The following RETREG1 variants were observed in gnomAD, a reference collection of about 807,000 sequenced individuals.
RETREG1 encodes family with sequence similarity 134 member B.
Under a neutral mutation model 54.8 loss-of-function variants are expected in RETREG1, and 44 were observed. That is an observed-to-expected ratio of 0.80 (90% CI 0.63 to 1.03). The LOEUF (loss-of-function observed/expected upper bound fraction) is 1.03. RETREG1 is among the 50% of genes least tolerant of loss of function. The pLI is 0.00. For missense variants in RETREG1, 554 were observed against 605.1 expected (o/e 0.92, Z 0.89); for synonymous variants, 217 against 238.5 (o/e 0.91, Z 0.83).
chr5:16,501,965 T>TC (rs1219880682), intron 3 of RETREG1, among the ~76,000 whole-genome samples: 1 of 150,394 alleles, frequency 6.6e-6, no homozygotes, highest in Non-Finnish European at 1.5e-5. Flanking sequence ...TAAGCTTTTT[T>TC]TTTTTTTTTG....
chr5:16,489,516 T>C (rs943497230), intron 3 of RETREG1, among the ~76,000 whole-genome samples: 3 of 152,208 alleles, frequency 2.0e-5, no homozygotes, highest in Admixed American at 6.5e-5. Flanking sequence ...GCCTGTTTCA[T>C]CCCTTTCACC....
intron 3 of RETREG1, among the ~76,000 whole-genome samples, chr5:16,527,800 A>T (rs1160266000): frequency 2.7e-4 from 18 of 66,248 alleles, no homozygotes; most frequent in Middle Eastern, 0.021. Context: ...AGGGACTCTA[A>T]TTTTTTTTTT....
chr5:16,510,352 T>C (rs1740129473), intron 3 of RETREG1, among the ~76,000 whole-genome samples: 1 of 152,162 alleles, frequency 6.6e-6, no homozygotes, highest in Non-Finnish European at 1.5e-5. Context: ...AAAACAGTCA[T>C]AGGCTGAGCT....
chr5:16,538,446 C>T (rs1248025570), intron 3 of RETREG1, among the ~76,000 whole-genome samples: 2 of 152,154 alleles, frequency 1.3e-5, no homozygotes, highest in East Asian at 1.9e-4. Flanking sequence ...ATGCAGCCCA[C>T]GTGTCAGAGA....
chr5:16,532,866 T>C (rs766599764), intron 3 of RETREG1, among the ~76,000 whole-genome samples: 3 of 152,194 alleles, frequency 2.0e-5, no homozygotes, highest in Non-Finnish European at 2.9e-5. Flanking sequence ...CACAGATAAA[T>C]TGCAAATCCC....
intron 3 of RETREG1, among the ~76,000 whole-genome samples, chr5:16,524,710 A>G (rs1174168270): frequency 3.3e-5 from 5 of 152,202 alleles, no homozygotes; most frequent in African/African-American, 7.2e-5. Flanking sequence ...CACTCCTGCT[A>G]CTCCAGCTTC....
At chr5:16,601,397 T>TA (rs927461788) in intron 1 of RETREG1, among the ~76,000 whole-genome samples, 4 of 150,286 alleles carry the variant, frequency 2.7e-5, no homozygotes, top group African/African-American at 1.0e-4. Flanking sequence ...TTTTCTTTTT[T>TA]TTTTTTTCTT....
rs962717551 is a variant in RETREG1, at chr5:16,563,486, C to T, written c.458+2277G>A. Among the ~76,000 whole-genome samples the T allele has an allele frequency of 6.6e-5, 10 of 152,046 alleles. No individual in the cohort carries two copies. The East Asian group carries it at 1.9e-3, about 29-fold the overall frequency. ...CATTGCCCAGGCTGGTCTCAAACTCCTGGGCTCAAGCAATCTGCCCACCTT... is the reference window on the plus strand; with the variant it reads ...CATTGCCCAGGCTGGTCTCAAACTCTTGGGCTCAAGCAATCTGCCCACCTT... On this transcript the variant is annotated intron_variant, in intron 3 of 8. Coordinates refer to ENST00000306320, the MANE Select transcript of RETREG1 (RefSeq NM_001034850.3).
chr5:16,581,073 C>T (rs956954574), intron 1 of RETREG1, among the ~76,000 whole-genome samples: 1 of 152,196 alleles, frequency 6.6e-6, no homozygotes, highest in East Asian at 1.9e-4. Context: ...GGGTTGACAG[C>T]CACAGTGGAA....
At chr5:16,577,033 G>GCA (rs988871331) in intron 1 of RETREG1, among the ~76,000 whole-genome samples, 1 of 92,794 alleles carries the variant, frequency 1.1e-5, no homozygotes, top group South Asian at 3.7e-4. Context: ...ATTTTTGTGT[G>GCA]CACGCACACA....
chr5:16,550,969 T>G (rs1363784704), intron 3 of RETREG1, among the ~76,000 whole-genome samples: 1 of 152,250 alleles, frequency 6.6e-6, no homozygotes, highest in African/African-American at 2.4e-5. Context: ...GACTGCTTAA[T>G]GGTTACAGAA....
In RETREG1 at chr5:16,474,498, A is replaced by G; in HGVS notation, c.*243T>C. 2 of 515,334 alleles carry G rather than the reference A, an allele frequency of 3.9e-6. No homozygotes were observed. Among genetic ancestry groups the G allele is most frequent in the Non-Finnish European group, 6.8e-6 (2 of 294,654 alleles). 31.9% of individuals were successfully genotyped at this position (515,334 alleles called of 1,614,324 possible). On this transcript the variant is annotated 3_prime_UTR_variant, in exon 9 of 9. Coordinates refer to ENST00000306320, the MANE Select transcript of RETREG1 (RefSeq NM_001034850.3). ...CAACCCCTAATATTTATCTCTGACA[A>G]CACAGTGGTGTGTATAAAGTTCATT...
Position 16,542,210 on chromosome 5 carries a change from C to T in RETREG1, c.458+23553G>A, listed in dbSNP as rs541607659. ...CAGGCCCCTCTGCGGCCACAGGCCA[C>T]CACTGCTCTCTCTGTCACCACGGAT... On this transcript the variant is annotated intron_variant, in intron 3 of 8. Coordinates refer to ENST00000306320, the MANE Select transcript of RETREG1 (RefSeq NM_001034850.3). Among the ~76,000 whole-genome samples the T allele has an allele frequency of 9.8e-5, 15 of 152,362 alleles. No individual in the cohort carries two copies. In the South Asian group the frequency reaches 2.9e-3, roughly 29 times the overall value.
Position 16,547,998 on chromosome 5 carries a change from C to T in RETREG1, c.458+17765G>A, listed in dbSNP as rs937130322. ...TAAATGGGGAGATTGGACTTATAAG[C>T]TTATATCCTATAAGTACATAAATAT... On this transcript the variant is annotated intron_variant, in intron 3 of 8. Transcript: ENST00000306320. Among the ~76,000 whole-genome samples the T allele has an allele frequency of 2.0e-5, 3 of 152,154 alleles. No individual in the cohort carries two copies. The East Asian group carries it at 5.8e-4, about 29-fold the overall frequency.
At chr5:16,543,227 A>C (rs953673536) in intron 3 of RETREG1, among the ~76,000 whole-genome samples, 2 of 152,206 alleles carry the variant, frequency 1.3e-5, no homozygotes, top group Non-Finnish European at 2.9e-5. Context: ...CAATTTATTT[A>C]TGCACTCACC....
At chr5:16,501,959 CTTTT>C (rs34047511) in intron 3 of RETREG1, among the ~76,000 whole-genome samples, 1 of 136,584 alleles carries the variant, frequency 7.3e-6, no homozygotes, top group Admixed American at 7.4e-5. Flanking sequence ...ATTAAGTAAG[CTTTT>C]TTTTTTTTTT....
At chr5:16,575,700 G>A (rs969523067) in intron 1 of RETREG1, among the ~76,000 whole-genome samples, 1 of 152,192 alleles carries the variant, frequency 6.6e-6, no homozygotes, top group Non-Finnish European at 1.5e-5. Context: ...GGTCTTGTTG[G>A]TCATCGAGAA....
intron 1 of RETREG1, among the ~76,000 whole-genome samples, chr5:16,576,447 C>T (rs1419205941): frequency 5.9e-5 from 9 of 151,872 alleles, no homozygotes; most frequent in African/African-American, 1.9e-4. Context: ...TGCACGCCAC[C>T]ATGCCCAGCT....
chr5:16,584,311 A>G lies in RETREG1; in HGVS notation c.321-12209T>C, dbSNP rs564589668. Among the ~76,000 whole-genome samples the G allele has an allele frequency of 2.8e-4, 42 of 152,334 alleles. No homozygotes were observed. In the South Asian group the frequency reaches 8.1e-3, roughly 29 times the overall value. ...AATTTAAAAAATTAAGATTTTACACAGAAAATCAGAATCACTGAATATGAA... is the reference window on the plus strand; with the variant it reads ...AATTTAAAAAATTAAGATTTTACACGGAAAATCAGAATCACTGAATATGAA... On this transcript the variant is annotated intron_variant, in intron 1 of 8. Transcript: ENST00000306320.
Sources: gnomAD v4.1 joint callset for allele counts (sites outside exome capture counted in the v4.1 genomes callset) on GRCh38, gnomAD v4.1.1 for gene constraint, MANE v1.5 for transcripts, NCBI Gene and HGNC (gene_info 2026-07-23, HGNC 2026-07-21) for gene names.